Variants in SCUBE1 observed in about 807,000 individuals in gnomAD.
SCUBE1 encodes the protein signal peptide, CUB domain and EGF like domain containing 1, also known as signal peptide, CUB and EGF-like domain-containing protein 1.
A neutral mutation model predicts 124.4 loss-of-function variants in SCUBE1; 59 were observed. The observed-to-expected ratio is 0.47, with a 90% CI of 0.38 to 0.59. SCUBE1 has a LOEUF of 0.59. SCUBE1 is among the 20% of genes least tolerant of loss of function. The pLI, the probability that SCUBE1 is intolerant of heterozygous loss-of-function variation, is 0.00. For missense variants in SCUBE1, 1,150 were observed against 1,371.2 expected (o/e 0.84, Z 2.55); for synonymous variants, 545 against 550.9 (o/e 0.99, Z 0.15).
In SCUBE1 at chr22:43,212,487, C is replaced by T; in HGVS notation, c.2159G>A (p.Cys720Tyr). 1 of 1,554,796 alleles carries T rather than the reference C, an allele frequency of 6.4e-7. No individual in the cohort carries two copies. Among genetic ancestry groups the T allele is most frequent in the Non-Finnish European group, 8.7e-7 (1 of 1,149,202 alleles). Residue 720 changes from cysteine to tyrosine, a missense_variant, in exon 17 of 22, where the codon TGT (cysteine) becomes TAT (tyrosine). This residue lies in a region of SCUBE1 where 757 missense variants were observed against 840.9 expected (regional missense o/e 0.90). Transcript: ENST00000360835. ...PEPGRTGCFP[C>Y]GGGLLTKHEG... ...GTGTTTGGTGAGCAAACCCCCTCCACAGGGGAAGCAGCCGGTGCGCCCGGG... is the reference window on the plus strand; with the variant it reads ...GTGTTTGGTGAGCAAACCCCCTCCATAGGGGAAGCAGCCGGTGCGCCCGGG...
Position 43,198,510 on chromosome 22 carries a change from C to A in SCUBE1, c.*5487G>T. 1 of 455,556 alleles carries A rather than the reference C, an allele frequency of 2.2e-6. No homozygotes were observed. Among genetic ancestry groups the A allele is most frequent in the South Asian group, 1.6e-5 (1 of 64,378 alleles). 28.2% of individuals were successfully genotyped at this position (455,556 alleles called of 1,614,324 possible). The stretch of plus-strand genomic sequence containing the variant: ...CAGGGATCTGTGGGTGCTGTGGGGG[C>A]AGAGGCAGCCGCGGTAGAATAGGAG... On this transcript the variant is annotated 3_prime_UTR_variant, in exon 22 of 22. Transcript: ENST00000360835.
intron 9 of SCUBE1, 33 bp downstream of exon 9, chr22:43,229,039 G>C (rs200810044): frequency 1.1e-4 from 173 of 1,510,428 alleles, no homozygotes; most frequent in Admixed American, 7.1e-4. Context: ...CGTGCCTCGG[G>C]GGGGAGGTGG....
Position 43,220,512 on chromosome 22 carries a change from G to T in SCUBE1, c.1625C>A (p.Ser542Tyr). Residue 542 changes from serine to tyrosine, a missense_variant, in exon 14 of 22, where the codon TCC becomes TAC. This residue lies in a region of SCUBE1 where 757 missense variants were observed against 840.9 expected (regional missense o/e 0.90). Transcript: ENST00000360835. ...KKRRRGRKSP[S>Y]KEVSHITAEF... ...TGCTGTGATGTGGGACACCTCCTTG[G>T]ATGGGGACTTGCGGCCACGGCGCCT... The T allele has an allele frequency of 6.2e-7, 1 of 1,614,136 alleles. No individual in the cohort carries two copies. The highest frequency in any genetic ancestry group is 8.5e-7 in the Non-Finnish European group (1 of 1,180,022).
At chr22:43,295,950 C>T (rs1399139339) in intron 3 of SCUBE1, among the ~76,000 whole-genome samples, 3 of 152,052 alleles carry the variant, frequency 2.0e-5, no homozygotes, top group East Asian at 1.9e-4. Context: ...CTGGAGGAGG[C>T]GGAGGTGTTC....
chr22:43,293,478 T>C (rs935887772), intron 3 of SCUBE1, among the ~76,000 whole-genome samples: 1 of 152,244 alleles, frequency 6.6e-6, no homozygotes, highest in African/African-American at 2.4e-5. Flanking sequence ...CTCAGACCAA[T>C]GCTGCGAAGA....
At chr22:43,266,808 A>G (rs1007068184) in intron 4 of SCUBE1, among the ~76,000 whole-genome samples, 3 of 152,150 alleles carry the variant, frequency 2.0e-5, no homozygotes, top group African/African-American at 7.2e-5. Flanking sequence ...GAGCCCAGCG[A>G]AATCCAAGGC....
chr22:43,214,341 G>T, intron 15 of SCUBE1, 90 bp from the exon 16 acceptor site: 1 of 1,342,696 alleles, frequency 7.4e-7, no homozygotes, highest in Non-Finnish European at 1.0e-6. Flanking sequence ...TCTCCTGATA[G>T]ACACAGTCCT....
At chr22:43,259,484 G>C (rs1249840254) in intron 5 of SCUBE1, among the ~76,000 whole-genome samples, 1 of 152,240 alleles carries the variant, frequency 6.6e-6, no homozygotes, top group Non-Finnish European at 1.5e-5. Flanking sequence ...TGACCCCTGA[G>C]CACAGCTGGT....
At chr22:43,215,227 C>G (rs1921758151) in intron 15 of SCUBE1, among the ~76,000 whole-genome samples, 1 of 152,200 alleles carries the variant, frequency 6.6e-6, no homozygotes, top group African/African-American at 2.4e-5. Flanking sequence ...GCAGGTCAGA[C>G]AGACCCAAGA....
At chr22:43,330,657 G>C (rs935801251) in intron 2 of SCUBE1, among the ~76,000 whole-genome samples, 1 of 152,176 alleles carries the variant, frequency 6.6e-6, no homozygotes, top group Non-Finnish European at 1.5e-5. Flanking sequence ...CTGAGGCTCA[G>C]GGGTGAACTT....
intron 8 of SCUBE1, among the ~76,000 whole-genome samples, chr22:43,229,401 C>G (rs1229302018): frequency 6.6e-6 from 1 of 152,212 alleles, no homozygotes; most frequent in Non-Finnish European, 1.5e-5. Flanking sequence ...GGGTTGGGAG[C>G]CACCTCACGT....
At chr22:43,326,953 C>T (rs1168947196) in intron 2 of SCUBE1, among the ~76,000 whole-genome samples, 1 of 152,204 alleles carries the variant, frequency 6.6e-6, no homozygotes, top group Non-Finnish European at 1.5e-5. Flanking sequence ...CAAGCAGGTA[C>T]TAGCATTATT....
intron 12 of SCUBE1, 34 bp from the exon 13 acceptor site, chr22:43,221,323 C>T (rs768469977): frequency 6.8e-7 from 1 of 1,464,772 alleles, no homozygotes; most frequent in Non-Finnish European, 9.5e-7. Flanking sequence ...AGGTGGTGGC[C>T]TCTCCTGCAG....
intron 7 of SCUBE1, among the ~76,000 whole-genome samples, chr22:43,236,588 G>C (rs1922771729): frequency 6.6e-6 from 1 of 152,172 alleles, no homozygotes; most frequent in Non-Finnish European, 1.5e-5. Context: ...TGCGCCATCT[G>C]GCCCGCCTCC....
chr22:43,219,607 G>A (rs1310781050), intron 14 of SCUBE1, among the ~76,000 whole-genome samples: 2 of 151,930 alleles, frequency 1.3e-5, no homozygotes, highest in Admixed American at 6.6e-5. Flanking sequence ...CTGAGTAGCT[G>A]GGATTACAGG....
chr22:43,338,388 C>A (rs1401712275), intron 2 of SCUBE1, among the ~76,000 whole-genome samples: 9 of 152,200 alleles, frequency 5.9e-5, no homozygotes, highest in African/African-American at 1.9e-4. Flanking sequence ...CAGAGACCTA[C>A]AGGGTGGTTT....
Position 43,227,389 on chromosome 22 carries a change from C to G in SCUBE1, c.1192G>C (p.Gly398Arg), listed in dbSNP as rs129415. The G allele has an allele frequency of 0.72, 1,163,492 of 1,609,706 alleles. 423,625 individuals are homozygous for G. Among genetic ancestry groups the G allele is most frequent in the African/African-American group, 0.91 (68,479 of 74,988 alleles). ...CPPGRRLHWN[G>R]KDCVETGKCL... The stretch of plus-strand genomic sequence containing the variant: ...GGCCACCTACCCACGCAATCCTTCC[C>G]GTTCCAGTGGAGCCGCCTCCCCGGG... The change falls in exon 10 of 22, where the codon GGG (glycine) becomes CGG (arginine). Residue 398 changes from glycine to arginine, a missense_variant. By Grantham distance (125) the Gly-to-Arg change is moderately radical. This residue lies in a region of SCUBE1 where 757 missense variants were observed against 840.9 expected (regional missense o/e 0.90). Transcript: ENST00000360835.
At chr22:43,242,237 A>G (rs752651452) in intron 6 of SCUBE1, among the ~76,000 whole-genome samples, 66 of 152,108 alleles carry the variant, frequency 4.3e-4, no homozygotes, top group Admixed American at 2.6e-4. Flanking sequence ...GCTGCTGAGG[A>G]GGCCCCTGCC....
At chr22:43,291,412 T>C (rs1925351960) in intron 3 of SCUBE1, among the ~76,000 whole-genome samples, 1 of 152,134 alleles carries the variant, frequency 6.6e-6, no homozygotes, top group South Asian at 2.1e-4. Flanking sequence ...GCCATAGTGG[T>C]ACAGTGGGCC....
Sources: allele counts gnomAD v4.1 joint callset (sites outside exome capture counted in the v4.1 genomes callset), GRCh38; gene constraint gnomAD v4.1.1; regional missense constraint gnomAD v4.1.1; transcripts MANE v1.5; gene names NCBI Gene and HGNC (gene_info 2026-07-23, HGNC 2026-07-21).